RNLS: variants seen among roughly 807,000 people sequenced by gnomAD.
RNLS encodes the protein renalase, FAD dependent amine oxidase, also known as renalase.
A neutral mutation model predicts 39.8 loss-of-function variants in RNLS; 39 were observed. The ratio of observed to expected loss-of-function variants is 0.98; its 90% CI spans 0.76 to 1.28. RNLS has a LOEUF of 1.28. Ranked by LOEUF, RNLS falls within the 50% of genes most tolerant of loss-of-function variation. The probability of loss-of-function intolerance (pLI) is 0.00; values close to 1 mark genes in which losing one functional copy is unlikely to be tolerated. For missense variants in RNLS, 410 were observed against 413.3 expected, an observed-to-expected ratio of 0.99 and a Z score of 0.07; for synonymous variants, 147 against 150.7, an observed-to-expected ratio of 0.98 and a Z score of 0.18.
chr10:88,436,257 A>T (rs1291329277), intron 4 of RNLS, among the ~76,000 whole-genome samples: 1 of 152,156 alleles, frequency 6.6e-6, no homozygotes, highest in Non-Finnish European at 1.5e-5. Context: ...AAGTGTGATG[A>T]GACCCAGGGG....
intron 4 of RNLS, among the ~76,000 whole-genome samples, chr10:88,423,380 T>A (rs906361693): frequency 6.6e-6 from 1 of 152,190 alleles, no homozygotes; most frequent in Non-Finnish European, 1.5e-5. Flanking sequence ...TAGACACTGT[T>A]GTATAGCCAG....
intron 4 of RNLS, among the ~76,000 whole-genome samples, chr10:88,540,288 A>G (rs1391111912): frequency 2.0e-5 from 3 of 152,180 alleles, no homozygotes; most frequent in Admixed American, 6.6e-5. Context: ...AAGTAAAACA[A>G]GGCATCCACT....
At chr10:88,515,213 A>T (rs1846346154) in intron 4 of RNLS, among the ~76,000 whole-genome samples, 1 of 151,848 alleles carries the variant, frequency 6.6e-6, no homozygotes, top group African/African-American at 2.4e-5. Context: ...TTCTATCTTG[A>T]TTTTAATATG....
At chr10:88,575,297 T>C (rs1850137481) in intron 3 of RNLS, among the ~76,000 whole-genome samples, 1 of 149,984 alleles carries the variant, frequency 6.7e-6, no homozygotes, top group Non-Finnish European at 1.5e-5. Context: ...TATATATATG[T>C]CAGTGGTTCT....
At position 88,530,222 on chromosome 10, in the gene RNLS, A is replaced by G. The variant is rs1847337319; in HGVS notation, c.526+42681T>C. Among the ~76,000 whole-genome samples, 3 of 152,170 alleles carry G rather than the reference A, an allele frequency of 2.0e-5. No individual in the cohort carries two copies. In the South Asian group the frequency reaches 6.2e-4, roughly 32 times the overall value. On this transcript the variant is annotated intron_variant, in intron 4 of 6. Coordinates refer to ENST00000331772, the MANE Select transcript of RNLS (RefSeq NM_001031709.3). ...GTCCCTTCCTCATGGGCCTCTTGTG[A>G]AAAGCGAATGGGTAGATACTCATAC...
intron 4 of RNLS, among the ~76,000 whole-genome samples, chr10:88,447,111 G>C (rs922395487): frequency 7.2e-5 from 11 of 152,208 alleles, no homozygotes; most frequent in Non-Finnish European, 1.6e-4. Context: ...ACACGACAGG[G>C]ATGTCCTCTC....
At position 88,573,023 on chromosome 10, in the gene RNLS, T is replaced by C. The variant is rs1466568620; in HGVS notation, c.406A>G (p.Asn136Asp). 1 of 1,614,040 alleles carries C rather than the reference T, an allele frequency of 6.2e-7. No homozygotes were observed. The highest frequency in any genetic ancestry group is 8.5e-7 in the Non-Finnish European group (1 of 1,179,900). Residue 136 changes from asparagine to aspartate, a missense_variant, in exon 4 of 7, where the codon AAC (asparagine) becomes GAC (aspartate). By Grantham distance (23) the Asn-to-Asp change is conservative (BLOSUM62 1). Coordinates refer to ENST00000331772, the MANE Select transcript of RNLS (RefSeq NM_001031709.3). Reference sequence around the variant, plus strand: ...ACTTCCCATTTGTCATCTCTTAGGTTGATCTGTGTCACACGATGTCTGAAG... The same window carrying C: ...ACTTCCCATTTGTCATCTCTTAGGTCGATCTGTGTCACACGATGTCTGAAG... Reference protein sequence around the residue: ...VYFRHRVTQINLRDDKWEVSK... With the variant: ...VYFRHRVTQIDLRDDKWEVSK...
chr10:88,399,282 G>A (rs758466734), intron 4 of RNLS, among the ~76,000 whole-genome samples: 3 of 151,956 alleles, frequency 2.0e-5, no homozygotes, highest in Admixed American at 6.6e-5. Flanking sequence ...GGTGTATACC[G>A]AAGACAACTA....
At chr10:88,387,506 A>C (rs1366162834) in intron 4 of RNLS, among the ~76,000 whole-genome samples, 2 of 125,386 alleles carry the variant, frequency 1.6e-5, no homozygotes, top group African/African-American at 5.8e-5. Context: ...ACAGAGCAAA[A>C]AAAAAAAAAA....
At chr10:88,510,578 A>G (rs920258402) in intron 4 of RNLS, among the ~76,000 whole-genome samples, 1 of 152,104 alleles carries the variant, frequency 6.6e-6, no homozygotes, top group African/African-American at 2.4e-5. Flanking sequence ...GTAATAGTTA[A>G]TATTTTATTA....
chr10:88,389,727 T>G (rs961440895), intron 4 of RNLS, among the ~76,000 whole-genome samples: 1 of 152,186 alleles, frequency 6.6e-6, no homozygotes, highest in African/African-American at 2.4e-5. Context: ...GGAGCAACAT[T>G]AAATACAAAT....
chr10:88,338,866 G>A (rs1055817262), intron 5 of RNLS, among the ~76,000 whole-genome samples: 9 of 148,314 alleles, frequency 6.1e-5, no homozygotes, highest in African/African-American at 1.5e-4. Flanking sequence ...GGCTCACGCC[G>A]TTCTCCCGCC....
chr10:88,444,358 AC>A (rs1005143304), intron 4 of RNLS, among the ~76,000 whole-genome samples: 3 of 152,200 alleles, frequency 2.0e-5, no homozygotes, highest in Non-Finnish European at 2.9e-5. Flanking sequence ...AGATAAAACC[AC>A]AAAGATAGGG....
rs74432342 is a variant in RNLS at position 88,478,000 on chromosome 10, T to C, written c.526+94903A>G. Among the ~76,000 whole-genome samples the C allele has an allele frequency of 1.4e-3, 207 of 152,334 alleles. 1 individual carries two copies. The highest frequency in any genetic ancestry group is 2.3e-3 in the Non-Finnish European group (157 of 68,032). On this transcript the variant is annotated intron_variant, in intron 4 of 6. Coordinates refer to ENST00000331772, the MANE Select transcript of RNLS (RefSeq NM_001031709.3). ...TGGCCCAGTGCCTATTTCAGATAGA[T>C]TAACATTTATCCTGGATAGATTTTT...
At chr10:88,510,195 A>G (rs1485730186) in intron 4 of RNLS, among the ~76,000 whole-genome samples, 2 of 152,180 alleles carry the variant, frequency 1.3e-5, no homozygotes, top group Admixed American at 6.6e-5. Context: ...CGGTGTATAT[A>G]TAAATTGAAT....
At chr10:88,368,040 T>C (rs369838596) in intron 4 of RNLS, among the ~76,000 whole-genome samples, 3 of 152,034 alleles carry the variant, frequency 2.0e-5, no homozygotes, top group African/African-American at 4.8e-5. Flanking sequence ...AACACTTCTG[T>C]GTCCTGCTTA....
intron 4 of RNLS, among the ~76,000 whole-genome samples, chr10:88,544,669 A>C (rs956366118): frequency 1.3e-5 from 2 of 152,188 alleles, no homozygotes; most frequent in Non-Finnish European, 2.9e-5. Flanking sequence ...CTCTGAGAAG[A>C]ACGGACATGT....
intron 4 of RNLS, among the ~76,000 whole-genome samples, chr10:88,421,099 C>G (rs929212360): frequency 2.6e-5 from 4 of 152,202 alleles, no homozygotes; most frequent in Non-Finnish European, 5.9e-5. Context: ...GCTGCAGGAA[C>G]AAGCCTATCA....
the RNLS span, among the ~76,000 whole-genome samples, chr10:88,229,677 C>T: frequency 6.6e-6 from 1 of 152,214 alleles, no homozygotes; most frequent in Non-Finnish European, 1.5e-5. Flanking sequence ...TTGCTCCCCT[C>T]TCTCCCCAGT....
Sources: gnomAD v4.1 joint callset for allele counts (sites outside exome capture counted in the v4.1 genomes callset) on GRCh38, gnomAD v4.1.1 for gene constraint, MANE v1.5 for transcripts, NCBI Gene and HGNC (gene_info 2026-07-23, HGNC 2026-07-21) for gene names.